STAG1: variants seen among roughly 807,000 people sequenced by gnomAD.
STAG1 encodes the protein cohesin subunit SA-1.
Under a neutral mutation model 170.9 loss-of-function variants are expected in STAG1, and 26 were observed. That is an observed-to-expected ratio of 0.15 (90% CI 0.11 to 0.21). The LOEUF (loss-of-function observed/expected upper bound fraction) is 0.21, where lower values mean the gene tolerates loss of function less well. Among genes scored for constraint, STAG1 ranks in the 10% least tolerant of loss-of-function variants. The probability of loss-of-function intolerance (pLI) is 1.00; values close to 1 mark genes in which losing one functional copy is unlikely to be tolerated. For missense variants in STAG1, 964 were observed against 1,509.5 expected (o/e 0.64, Z 5.99); for synonymous variants, 514 against 497.7 (o/e 1.03, Z -0.44).
rs1308550352 is a variant in STAG1, at chr3:136,337,478, T to G, written c.*776A>C. On this transcript the variant is annotated 3_prime_UTR_variant, in exon 34 of 34. Coordinates refer to ENST00000383202, the MANE Select transcript of STAG1 (RefSeq NM_005862.3). The stretch of plus-strand genomic sequence containing the variant: ...GAACAAATACCAATAGAAAATGCAC[T>G]GTATTTGAATCTCCCTAGTCTATAT... 6.5e-6 allele frequency: 1 copy of G among 152,690 alleles called. No individual in the cohort carries two copies. Among genetic ancestry groups the G allele is most frequent in the African/African-American group, 2.4e-5 (1 of 41,470 alleles). The allele number at this position is 152,690 out of a possible 1,614,324, so 9.5% of individuals were successfully genotyped here.
chr3:136,678,870 A>G (rs1316843853), intron 1 of STAG1, among the ~76,000 whole-genome samples: 10 of 150,790 alleles, frequency 6.6e-5, no homozygotes, highest in Non-Finnish European at 1.5e-4. Context: ...AAAAAAAGAA[A>G]AAGAAGAAAA....
At chr3:136,549,466 T>A (rs1936295825) in intron 5 of STAG1, among the ~76,000 whole-genome samples, 1 of 151,912 alleles carries the variant, frequency 6.6e-6, no homozygotes, top group Admixed American at 6.6e-5. Flanking sequence ...ACCTGCACCA[T>A]CCTGGCTGAT....
At chr3:136,585,574 G>T (rs1937774379) in intron 4 of STAG1, among the ~76,000 whole-genome samples, 1 of 151,788 alleles carries the variant, frequency 6.6e-6, no homozygotes, top group Non-Finnish European at 1.5e-5. Context: ...TCCAGCCTGG[G>T]TGACAGAGTG....
chr3:136,606,407 T>C (rs1938940076), intron 3 of STAG1, among the ~76,000 whole-genome samples: 2 of 152,192 alleles, frequency 1.3e-5, no homozygotes, highest in African/African-American at 4.8e-5. Flanking sequence ...CATGCTGGTC[T>C]TGAACTCCTG....
intron 7 of STAG1, among the ~76,000 whole-genome samples, chr3:136,504,194 GCTGTC>G (rs1420244548): frequency 1.3e-5 from 2 of 152,144 alleles, no homozygotes; most frequent in Non-Finnish European, 2.9e-5. Flanking sequence ...AATAATTGCT[GCTGTC>G]CTTAAACCAA....
At chr3:136,746,757 T>G (rs564695496) in intron 1 of STAG1, among the ~76,000 whole-genome samples, 134 of 152,254 alleles carry the variant, frequency 8.8e-4, no homozygotes, top group African/African-American at 3.1e-3. Flanking sequence ...GAGACCAGCC[T>G]GGCCTTAGGC....
At chr3:136,671,177 G>A (rs973697186) in intron 1 of STAG1, among the ~76,000 whole-genome samples, 7 of 152,008 alleles carry the variant, frequency 4.6e-5, no homozygotes, top group Admixed American at 2.6e-4. Flanking sequence ...CCAACTACTC[G>A]AGAGGCTAGC....
chr3:136,339,267 C>T (rs1935840499), intron 32 of STAG1, among the ~76,000 whole-genome samples: 1 of 152,188 alleles, frequency 6.6e-6, no homozygotes, highest in Admixed American at 6.5e-5. Context: ...CTGGGCCAGG[C>T]ATGGTCGCTC....
rs189196239 is a variant in STAG1, at chr3:136,610,308, T to A, written c.133-5835A>T. ...CCTCAGCCTTCCAAAGTGCTGGGAT[T>A]ACAGGTGTAAGCCACTGTACCTGGC... On this transcript the variant is annotated intron_variant, in intron 3 of 33. Transcript: ENST00000383202. 2.3e-3 allele frequency among the ~76,000 whole-genome samples: 350 copies of A among 152,346 alleles called. 1 individual carries two copies. The highest frequency in any genetic ancestry group is 4.4e-3 in the Admixed American group (68 of 15,302).
At chr3:136,573,074 T>C (rs188345748) in intron 4 of STAG1, among the ~76,000 whole-genome samples, 15 of 151,948 alleles carry the variant, frequency 9.9e-5, no homozygotes, top group Admixed American at 6.6e-4. Context: ...AGCTACTCAG[T>C]AGTCTGAGGT....
At chr3:136,511,083 G>T (rs1294838482) in intron 7 of STAG1, among the ~76,000 whole-genome samples, 1 of 152,110 alleles carries the variant, frequency 6.6e-6, no homozygotes. Flanking sequence ...GAGATCTGAC[G>T]GTTTTATACG....
chr3:136,533,215 A>G (rs141209643), intron 6 of STAG1, among the ~76,000 whole-genome samples: 2 of 152,156 alleles, frequency 1.3e-5, no homozygotes, highest in African/African-American at 2.4e-5. Context: ...AAGGATCTCT[A>G]TAAGGAAAAC....
intron 3 of STAG1, among the ~76,000 whole-genome samples, chr3:136,610,251 G>C (rs1939203762): frequency 6.6e-6 from 1 of 151,990 alleles, no homozygotes; most frequent in Admixed American, 6.6e-5. Context: ...TGGCCAGGCT[G>C]GTCTCAAATT....
chr3:136,529,032 A>C (rs559816473), intron 6 of STAG1, among the ~76,000 whole-genome samples: 1 of 152,276 alleles, frequency 6.6e-6, no homozygotes, highest in South Asian at 2.1e-4. Flanking sequence ...TAAAAAATAC[A>C]TTTGCAAGCT....
chr3:136,750,170 T>C (rs546332682), intron 1 of STAG1, among the ~76,000 whole-genome samples: 9 of 152,178 alleles, frequency 5.9e-5, no homozygotes, highest in Non-Finnish European at 1.2e-4. Flanking sequence ...CACCGTAAGA[T>C]ACTATCCCCA....
chr3:136,667,447 T>C (rs1941825469), intron 1 of STAG1, among the ~76,000 whole-genome samples: 1 of 152,046 alleles, frequency 6.6e-6, no homozygotes, highest in Non-Finnish European at 1.5e-5. Flanking sequence ...ATGATATCAG[T>C]GAGATTATGA....
At chr3:136,708,993 T>TTTA (rs1553769638) in intron 1 of STAG1, among the ~76,000 whole-genome samples, 11 of 130,460 alleles carry the variant, frequency 8.4e-5, no homozygotes, top group East Asian at 4.0e-4. Flanking sequence ...TTTTTTTTTT[T>TTTA]AAAGACAGGG....
At chr3:136,510,412 C>A (rs1419922263) in intron 7 of STAG1, among the ~76,000 whole-genome samples, 1 of 151,878 alleles carries the variant, frequency 6.6e-6, no homozygotes, top group Admixed American at 6.6e-5. Flanking sequence ...GCCTCAGCCT[C>A]CCTAGTGGCT....
intron 1 of STAG1, among the ~76,000 whole-genome samples, 170 bp downstream of exon 1, chr3:136,752,025 G>A (rs1216052264): frequency 1.3e-5 from 2 of 150,912 alleles, no homozygotes; most frequent in African/African-American, 4.9e-5. Context: ...AGGCCCGCGC[G>A]GCCTCCCTCC....
Sources: allele counts gnomAD v4.1 joint callset (sites outside exome capture counted in the v4.1 genomes callset), GRCh38; gene constraint gnomAD v4.1.1; transcripts MANE v1.5; gene names NCBI Gene and HGNC (gene_info 2026-07-23, HGNC 2026-07-21).